PLPPR1: variants seen among roughly 807,000 people sequenced by gnomAD.
PLPPR1 encodes phospholipid phosphatase-related protein type 1.
A neutral mutation model predicts 33.1 loss-of-function variants in PLPPR1; 10 were observed. The observed-to-expected ratio is 0.30, with a 90% confidence interval of 0.19 to 0.51. The LOEUF (loss-of-function observed/expected upper bound fraction) is 0.51. Ranked by LOEUF, PLPPR1 falls within the 20% of genes least tolerant of loss-of-function variation. The pLI is 0.97. For synonymous variants in PLPPR1, 151 were observed against 151.0 expected, an observed-to-expected ratio of 1.00 and a Z score of 0.00; for missense variants, 304 against 408.1, an observed-to-expected ratio of 0.74 and a Z score of 2.20.
chr9:101,207,018 A>C (rs1826600688), intron 2 of PLPPR1, among the ~76,000 whole-genome samples: 3 of 152,188 alleles, frequency 2.0e-5, no homozygotes, highest in African/African-American at 7.2e-5. Flanking sequence ...ACATGCAATA[A>C]GTACTAAGAT....
At chr9:101,053,916 G>T (rs1474178208) in intron 1 of PLPPR1, among the ~76,000 whole-genome samples, 1 of 152,158 alleles carries the variant, frequency 6.6e-6, no homozygotes, top group African/African-American at 2.4e-5. Context: ...GGGAGAGGTG[G>T]CTCACACCTG....
intron 1 of PLPPR1, among the ~76,000 whole-genome samples, chr9:101,040,265 G>T (rs1830060406): frequency 6.6e-6 from 1 of 152,052 alleles, no homozygotes. Flanking sequence ...TAGTTATACT[G>T]GTAGGTCACC....
chr9:101,315,033 A>C (rs1000503439), intron 6 of PLPPR1, among the ~76,000 whole-genome samples: 22 of 152,020 alleles, frequency 1.4e-4, no homozygotes, highest in Admixed American at 1.3e-3. Flanking sequence ...ATACAAGCAT[A>C]CAATGTATAA....
intron 1 of PLPPR1, among the ~76,000 whole-genome samples, chr9:101,180,768 C>A (rs1443556228): frequency 1.3e-5 from 2 of 151,808 alleles, no homozygotes; most frequent in Non-Finnish European, 2.9e-5. Flanking sequence ...AAACATGAGA[C>A]CCGAAACTGT....
At chr9:101,166,560 GAGTA>G (rs1317228643) in intron 1 of PLPPR1, among the ~76,000 whole-genome samples, 2 of 152,176 alleles carry the variant, frequency 1.3e-5, no homozygotes, top group African/African-American at 2.4e-5. Context: ...AGAAGATACA[GAGTA>G]AGTATCAGGA....
chr9:101,207,488 C>T (rs746064412), intron 2 of PLPPR1, among the ~76,000 whole-genome samples: 243 of 151,970 alleles, frequency 1.6e-3, no homozygotes, highest in Non-Finnish European at 2.6e-3. Context: ...TTTCTTAGAG[C>T]CCAGATGCAT....
chr9:101,056,665 G>A (rs995821692), intron 1 of PLPPR1, among the ~76,000 whole-genome samples: 1 of 152,176 alleles, frequency 6.6e-6, no homozygotes, highest in Non-Finnish European at 1.5e-5. Context: ...CCTGAGTAGG[G>A]CAAATGTACT....
intron 1 of PLPPR1, among the ~76,000 whole-genome samples, chr9:101,181,146 T>G (rs932885620): frequency 1.0e-4 from 15 of 147,726 alleles, no homozygotes; most frequent in African/African-American, 3.2e-4. Flanking sequence ...ATCTAATATA[T>G]ATTAGATATG....
chr9:101,201,398 T>C (rs1277052654), intron 2 of PLPPR1, among the ~76,000 whole-genome samples: 3 of 152,190 alleles, frequency 2.0e-5, no homozygotes, highest in Non-Finnish European at 4.4e-5. Context: ...CTTTGGCATC[T>C]CCTAAGATGA....
At chr9:101,248,611 CAG>C (rs1827657213) in intron 2 of PLPPR1, among the ~76,000 whole-genome samples, 1 of 152,030 alleles carries the variant, frequency 6.6e-6, no homozygotes, top group Non-Finnish European at 1.5e-5. Flanking sequence ...TGGATATCCA[CAG>C]AGTGACAGTT....
intron 2 of PLPPR1, among the ~76,000 whole-genome samples, chr9:101,207,097 A>G (rs1391158889): frequency 2.6e-5 from 4 of 152,122 alleles, no homozygotes; most frequent in Non-Finnish European, 5.9e-5. Flanking sequence ...AATTATCTTA[A>G]TTTTTATTTG....
At chr9:101,049,527 C>T (rs1187616835) in intron 1 of PLPPR1, among the ~76,000 whole-genome samples, 1 of 152,094 alleles carries the variant, frequency 6.6e-6, no homozygotes, top group Admixed American at 6.6e-5. Context: ...AAGTATTTTA[C>T]ATATATTGCT....
intron 1 of PLPPR1, among the ~76,000 whole-genome samples, chr9:101,078,110 GAAGAAGAAGAAGAAGAAGAAGA>G (rs1830564389): frequency 2.6e-4 from 3 of 11,632 alleles, no homozygotes; most frequent in South Asian, 0.011. Flanking sequence ...AGGAGAAGAA[GAAGAAGAAGAAGAAGAAGAAGA>G]AGAAGAAGAA....
chr9:101,174,660 G>T (rs867796872), intron 1 of PLPPR1, among the ~76,000 whole-genome samples: 1 of 152,024 alleles, frequency 6.6e-6, no homozygotes, highest in Non-Finnish European at 1.5e-5. Context: ...CTTTGTAATG[G>T]GTAATTATTT....
chr9:101,215,745 G>A (rs146951180), intron 2 of PLPPR1, among the ~76,000 whole-genome samples: 3,786 of 151,960 alleles, frequency 0.025, 157 homozygotes, highest in African/African-American at 0.087. Context: ...TGTGATATTT[G>A]TCTTTCTGTG....
intron 1 of PLPPR1, among the ~76,000 whole-genome samples, chr9:101,054,154 A>G (rs1053813182): frequency 1.3e-5 from 2 of 152,184 alleles, no homozygotes; most frequent in African/African-American, 4.8e-5. Flanking sequence ...ACTGCACGCC[A>G]GCCTGGGTGA....
At chr9:101,066,565 C>T (rs1369648884) in intron 1 of PLPPR1, among the ~76,000 whole-genome samples, 1 of 151,990 alleles carries the variant, frequency 6.6e-6, no homozygotes, top group Admixed American at 6.6e-5. Flanking sequence ...TCAGTATGGA[C>T]TCATGGATGC....
At chr9:101,065,228 C>T (rs933665405) in intron 1 of PLPPR1, among the ~76,000 whole-genome samples, 1 of 152,070 alleles carries the variant, frequency 6.6e-6, no homozygotes, top group Non-Finnish European at 1.5e-5. Context: ...CACTTAACCT[C>T]CTCCATGCAC....
At chr9:101,211,585 G>A (rs1448499671) in intron 2 of PLPPR1, among the ~76,000 whole-genome samples, 2 of 152,088 alleles carry the variant, frequency 1.3e-5, no homozygotes, top group African/African-American at 4.8e-5. Flanking sequence ...TGTCCATTCT[G>A]GGAAACAAAT....
Sources: gnomAD v4.1 joint callset for allele counts (sites outside exome capture counted in the v4.1 genomes callset) on GRCh38, gnomAD v4.1.1 for gene constraint, MANE v1.5 for transcripts, NCBI Gene and HGNC (gene_info 2026-07-23, HGNC 2026-07-21) for gene names.